Variants in ADGRF1 observed in about 807,000 individuals in gnomAD.
The protein encoded by ADGRF1 is adhesion G protein-coupled receptor F1.
In ADGRF1, 85 loss-of-function variants were observed where a neutral mutation model predicts 87.2. That is an observed-to-expected ratio of 0.97 (90% CI 0.82 to 1.17). ADGRF1 has a LOEUF of 1.17. Ranked by LOEUF, ADGRF1 falls within the 50% of genes most tolerant of loss-of-function variation. The pLI, the probability that ADGRF1 is intolerant of heterozygous loss-of-function variation, is 0.00. For synonymous variants in ADGRF1, 430 were observed against 408.8 expected, an observed-to-expected ratio of 1.05 and a Z score of -0.63; for missense variants, 1,169 against 1,077.2, an observed-to-expected ratio of 1.09 and a Z score of -1.19.
intron 1 of ADGRF1, among the ~76,000 whole-genome samples, chr6:47,033,354 C>G (rs1237408509): frequency 2.6e-5 from 4 of 152,220 alleles, no homozygotes; most frequent in Non-Finnish European, 5.9e-5. Context: ...CCTATTCTTT[C>G]AGTTATATAC....
intron 7 of ADGRF1, 73 bp from the exon 8 acceptor site, chr6:47,016,841 T>C: frequency 2.1e-6 from 3 of 1,462,670 alleles, no homozygotes; most frequent in Non-Finnish European, 1.8e-6. Flanking sequence ...CTATGCTGTG[T>C]GTACATGCCA....
Position 47,016,661 on chromosome 6 carries a change from T to C in ADGRF1, c.719A>G (p.Lys240Arg), listed in dbSNP as rs769839601. ...AGAGCCGTCTTCTAATGGAAACAGC[T>C]TGTGAAGGGCTGTCTTAGCCTTCTC... ...VAEKAKTALH[K>R]LFPLEDGSFR... The change falls in exon 8 of 15, where the codon AAG (lysine) becomes AGG (arginine). Residue 240 changes from lysine (K) to arginine (R), a missense_variant. Coordinates refer to ENST00000371253, the MANE Select transcript of ADGRF1 (RefSeq NM_153840.4). 83 of 1,611,090 alleles carry C rather than the reference T, an allele frequency of 5.2e-5. No individual in the cohort carries two copies. Among genetic ancestry groups the C allele is most frequent in the Non-Finnish European group, 7.0e-5 (83 of 1,177,876 alleles).
At chr6:47,023,763 T>C (rs1393908783) in intron 5 of ADGRF1, among the ~76,000 whole-genome samples, 1 of 152,200 alleles carries the variant, frequency 6.6e-6, no homozygotes, top group Non-Finnish European at 1.5e-5. Flanking sequence ...TTTTGGAATT[T>C]TAGCAACTCT....
chr6:47,022,804 C>CTT (rs11286179), intron 5 of ADGRF1, among the ~76,000 whole-genome samples: 6,019 of 119,212 alleles, frequency 0.05, 225 homozygotes, highest in African/African-American at 0.1. Flanking sequence ...TTTCTTTTTT[C>CTT]TTTTTTTTTT....
chr6:47,037,640 G>A (rs1780625328), intron 1 of ADGRF1, among the ~76,000 whole-genome samples: 3 of 152,058 alleles, frequency 2.0e-5, no homozygotes, highest in Admixed American at 2.0e-4. Context: ...GGGTGGCTGG[G>A]ACTATAGGCA....
In ADGRF1 at chr6:47,009,460, C is replaced by G; in HGVS notation, c.1975G>C (p.Ala659Pro). 1 of 1,613,906 alleles carries G rather than the reference C, an allele frequency of 6.2e-7. No individual in the cohort carries two copies. The highest frequency in any genetic ancestry group is 8.5e-7 in the Non-Finnish European group (1 of 1,179,920). The change falls in exon 11 of 15, where the codon GCT (alanine) becomes CCT (proline). Residue 659 changes from alanine (A) to proline (P), a missense_variant. Physicochemically the swap from Ala to Pro is conservative, Grantham distance 27 (BLOSUM62 -1). Coordinates refer to ENST00000371253, the MANE Select transcript of ADGRF1 (RefSeq NM_153840.4). ...TTVNPSGVCTAAVFFTHFFYL... is the reference protein window; with the variant it reads ...TTVNPSGVCTPAVFFTHFFYL... ...AAGAAGTGTGTAAAGAACACAGCAG[C>G]TGTGCAGACTCCAGAAGGGTTCACC...
At chr6:47,008,820 A>C (rs570019795) in intron 11 of ADGRF1, 125 bp downstream of exon 11, 2 of 764,088 alleles carry the variant, frequency 2.6e-6, no homozygotes, top group South Asian at 4.4e-5. Flanking sequence ...GTTTCCATGC[A>C]GTTTTTCTGA....
intron 7 of ADGRF1, chr6:47,018,823 G>A (rs1185867367): frequency 1.1e-5 from 3 of 273,456 alleles, no homozygotes; most frequent in East Asian, 9.8e-5. Flanking sequence ...GCTGGGCTTC[G>A]TGTCTCATGC....
chr6:47,019,030 C>T (rs148429686), intron 7 of ADGRF1: 86 of 159,444 alleles, frequency 5.4e-4, no homozygotes, highest in Non-Finnish European at 3.3e-4. Flanking sequence ...ACTGAGATCG[C>T]ACCACTCCAC....
chr6:47,008,978 C>G lies in ADGRF1; in HGVS notation c.2457G>C (p.Trp819Cys). Residue 819 changes from tryptophan to cysteine, a missense_variant, in exon 11 of 15, where the codon TGG becomes TGC. By Grantham distance (215) the Trp-to-Cys change is radical. Transcript: ENST00000371253. Reference sequence around the variant, plus strand: ...CATTGAGTAAAGCAAAAATAACATGCCAAGCCAGATTCTGGCTGTCCACTA... The same window carrying G: ...CATTGAGTAAAGCAAAAATAACATGGCAAGCCAGATTCTGGCTGTCCACTA... ...GTIVDSQNLA[W>C]HVIFALLNAF... 6 of 1,607,442 alleles carry G rather than the reference C, an allele frequency of 3.7e-6. No homozygotes were observed. The highest frequency in any genetic ancestry group is 3.3e-5 in the South Asian group (3 of 90,600).
chr6:47,037,406 T>C (rs897000191), intron 1 of ADGRF1, among the ~76,000 whole-genome samples: 1 of 152,260 alleles, frequency 6.6e-6, no homozygotes, highest in African/African-American at 2.4e-5. Context: ...TTGTAGTTCA[T>C]CTTTAAAACT....
rs1779271010 is a variant in ADGRF1, at chr6:46,998,458, A to G, written c.*1764T>C. ...GCCCCATGCTGACCTTCACTCTTGC[A>G]TGTCTCACTATGGTTCATGGGAAAC... On this transcript the variant is annotated 3_prime_UTR_variant, in exon 15 of 15. Coordinates refer to ENST00000371253, the MANE Select transcript of ADGRF1 (RefSeq NM_153840.4). The G allele has an allele frequency of 6.6e-6, 1 of 152,232 alleles. No homozygotes were observed. The highest frequency in any genetic ancestry group is 1.5e-5 in the Non-Finnish European group (1 of 68,082). 9.4% of individuals were successfully genotyped at this position (152,232 alleles called of 1,614,324 possible).
At chr6:47,028,972 T>A in intron 2 of ADGRF1, 21 bp downstream of exon 2, 1 of 1,603,398 alleles carries the variant, frequency 6.2e-7, no homozygotes, top group Non-Finnish European at 8.5e-7. Flanking sequence ...AGAAGAGATA[T>A]GAGACATAGC....
chr6:47,012,303 T>TAGAA, intron 9 of ADGRF1, 108 bp from the exon 10 acceptor site: 1 of 1,489,046 alleles, frequency 6.7e-7, no homozygotes, highest in African/African-American at 1.4e-5. Flanking sequence ...TGGTGTGTTC[T>TAGAA]AATGTAGGAT....
intron 9 of ADGRF1, chr6:47,012,874 A>G (rs1011460080): frequency 2.8e-6 from 2 of 709,308 alleles, no homozygotes; most frequent in African/African-American, 3.9e-5. Flanking sequence ...GGTTCAAGGG[A>G]TTCTCCTGCC....
At chr6:47,030,876 C>T (rs962938443) in intron 1 of ADGRF1, among the ~76,000 whole-genome samples, 5 of 152,102 alleles carry the variant, frequency 3.3e-5, no homozygotes, top group East Asian at 1.9e-4. Context: ...GATTCTCCTG[C>T]CTCAGCCTCA....
chr6:47,006,552 T>C (rs111909023), intron 12 of ADGRF1, among the ~76,000 whole-genome samples: 3,276 of 152,282 alleles, frequency 0.022, 61 homozygotes, highest in Middle Eastern at 0.085. Context: ...CATAGGTTAT[T>C]GGGGAACAAG....
intron 1 of ADGRF1, among the ~76,000 whole-genome samples, chr6:47,031,357 C>CTCTT (rs1780424834): frequency 7.2e-6 from 1 of 138,922 alleles, no homozygotes; most frequent in African/African-American, 3.0e-5. Flanking sequence ...CTCTGTCTCT[C>CTCTT]TCTCTCTCTC....
intron 13 of ADGRF1, among the ~76,000 whole-genome samples, chr6:47,003,426 A>T (rs1480688293): frequency 1.3e-5 from 2 of 152,160 alleles, no homozygotes; most frequent in African/African-American, 2.4e-5. Context: ...CCCTTTCTAG[A>T]TCTTTTTCTG....
Sources: allele counts gnomAD v4.1 joint callset (sites outside exome capture counted in the v4.1 genomes callset), GRCh38; gene constraint gnomAD v4.1.1; transcripts MANE v1.5; gene names NCBI Gene and HGNC (gene_info 2026-07-23, HGNC 2026-07-21).